LOC400499: variants seen among roughly 807,000 people sequenced by gnomAD.
the LOC400499 span, among the ~76,000 whole-genome samples, chr16:11,505,061 G>GCTA: frequency 1.3e-5 from 2 of 151,922 alleles, no homozygotes; most frequent in Non-Finnish European, 2.9e-5. Flanking sequence ...GTGGCCGCAT[G>GCTA]CTACTCAGTA....
the LOC400499 span, among the ~76,000 whole-genome samples, chr16:11,491,467 C>G: frequency 2.0e-5 from 3 of 152,118 alleles, no homozygotes; most frequent in Non-Finnish European, 4.4e-5. Flanking sequence ...GGAGAAGCAA[C>G]TTCTCCAAAG....
At chr16:11,476,931 G>C in the LOC400499 span, 2 of 399,010 alleles carry the variant, frequency 5.0e-6, no homozygotes, top group African/African-American at 2.1e-5. Context: ...TCTGAGCTGA[G>C]ATCTGGAGCA....
the LOC400499 span, chr16:11,471,717 C>A: frequency 2.5e-6 from 1 of 399,276 alleles, no homozygotes; most frequent in Non-Finnish European, 4.4e-6. Flanking sequence ...CCCGTTTCTG[C>A]AGCGTCACGG....
the LOC400499 span, among the ~76,000 whole-genome samples, chr16:11,408,252 G>A: frequency 6.6e-6 from 1 of 151,902 alleles, no homozygotes; most frequent in East Asian, 1.9e-4. Context: ...CAAAGTGCTG[G>A]ATTACGGGTG....
the LOC400499 span, chr16:11,383,622 A>T: frequency 3.2e-6 from 4 of 1,232,100 alleles, no homozygotes; most frequent in African/African-American, 4.7e-5. Flanking sequence ...GCAGAGTGCT[A>T]GATGGCTGGG....
the LOC400499 span, chr16:11,478,536 G>A: frequency 2.5e-6 from 1 of 398,954 alleles, no homozygotes; most frequent in African/African-American, 2.1e-5. Context: ...CTACCTTCAT[G>A]AGCTTGATGG....
At chr16:11,378,062 C>A in the LOC400499 span, among the ~76,000 whole-genome samples, 2 of 152,048 alleles carry the variant, frequency 1.3e-5, no homozygotes, top group Admixed American at 1.3e-4. Context: ...TTAGGCTGTT[C>A]TTTTTCTAAT....
chr16:11,484,010 T>G, the LOC400499 span, among the ~76,000 whole-genome samples: 1 of 122,392 alleles, frequency 8.2e-6, no homozygotes, highest in Admixed American at 8.2e-5. Context: ...TTTTTTTTTT[T>G]TTTTTTTTTT....
the LOC400499 span, chr16:11,441,172 T>C: frequency 2.5e-6 from 1 of 397,904 alleles, no homozygotes; most frequent in Non-Finnish European, 4.4e-6. Context: ...CAGAAGAAAG[T>C]AGTCCAAAGA....
At chr16:11,412,043 T>C in the LOC400499 span, among the ~76,000 whole-genome samples, 100,955 of 151,738 alleles carry the variant, frequency 0.67, 33,844 homozygotes, top group Non-Finnish European at 0.7. Flanking sequence ...TTAAGATTTT[T>C]TGTAGCGATG....
the LOC400499 span, chr16:11,485,063 C>T: frequency 1.3e-3 from 499 of 398,948 alleles, 1 homozygote; most frequent in Non-Finnish European, 1.9e-3. Context: ...ATTTTCCAGC[C>T]GGAGCCCAAG....
the LOC400499 span, among the ~76,000 whole-genome samples, chr16:11,480,043 C>T: frequency 5.9e-5 from 9 of 152,312 alleles, no homozygotes; most frequent in Admixed American, 1.3e-4. Flanking sequence ...CTCCCCACAA[C>T]AAGGGGCAAC....
the LOC400499 span, chr16:11,502,321 C>T: frequency 1.5e-5 from 6 of 395,440 alleles, no homozygotes; most frequent in African/African-American, 1.2e-4. Context: ...GTGCTGAGAC[C>T]CAGTGAGATG....
the LOC400499 span, chr16:11,467,064 T>C: frequency 0.014 from 2,248 of 155,186 alleles, 45 homozygotes; most frequent in African/African-American, 0.052. Flanking sequence ...GTGATTCTTC[T>C]GCCTCAGCCT....
chr16:11,446,509 G>T, the LOC400499 span: 3 of 1,518,452 alleles, frequency 2.0e-6, no homozygotes, highest in Non-Finnish European at 2.7e-6. Context: ...TTGAACCAGG[G>T]CTGGCTGGGG....
At chr16:11,411,941 C>T in the LOC400499 span, among the ~76,000 whole-genome samples, 1 of 151,868 alleles carries the variant, frequency 6.6e-6, no homozygotes, top group African/African-American at 2.4e-5. Flanking sequence ...CTGCTCACTG[C>T]AGCTTCGATC....
chr16:11,447,034 G>T, the LOC400499 span: 1 of 1,170,972 alleles, frequency 8.5e-7, no homozygotes, highest in Non-Finnish European at 1.2e-6. Flanking sequence ...CTCTGCCACA[G>T]AGAAGAGAAC....
At chr16:11,398,450 G>T in the LOC400499 span, 1 of 1,232,260 alleles carries the variant, frequency 8.1e-7, no homozygotes, top group African/African-American at 1.5e-5. Context: ...AAGAGGCCCC[G>T]AGGACGTGCT....
the LOC400499 span, among the ~76,000 whole-genome samples, chr16:11,498,835 C>T: frequency 6.6e-6 from 1 of 151,456 alleles, no homozygotes; most frequent in East Asian, 2.0e-4. Context: ...CACTTCCCTC[C>T]GCACACACCA....
Sources: allele counts gnomAD v4.1 joint callset (sites outside exome capture counted in the v4.1 genomes callset), GRCh38; gene constraint gnomAD v4.1.1; transcripts MANE v1.5.